PTPRG: variants seen among roughly 807,000 people sequenced by gnomAD.
PTPRG encodes the protein protein tyrosine phosphatase receptor type G, also known as receptor-type tyrosine-protein phosphatase gamma.
In PTPRG, 102 loss-of-function variants were observed where a neutral mutation model predicts 165.3. That is an observed-to-expected ratio of 0.62 (90% CI 0.53 to 0.73). The LOEUF is 0.73. Ranked by LOEUF, PTPRG falls within the 30% of genes least tolerant of loss-of-function variation. The pLI is 0.00. For synonymous variants in PTPRG, 675 were observed against 669.5 expected, an observed-to-expected ratio of 1.01 and a Z score of -0.13; for missense variants, 1,866 against 1,861.4, an observed-to-expected ratio of 1.00 and a Z score of -0.05.
intron 1 of PTPRG, among the ~76,000 whole-genome samples, chr3:61,681,418 G>C (rs1486625103): frequency 6.6e-6 from 1 of 152,154 alleles, no homozygotes; most frequent in African/African-American, 2.4e-5. Flanking sequence ...ATTTACAGTG[G>C]GGTATTGGTC....
chr3:61,700,760 C>G lies in PTPRG; in HGVS notation c.86-48118C>G, dbSNP rs574364177. On this transcript the variant is annotated intron_variant, in intron 1 of 29. Transcript: ENST00000474889. ...TCTTCTGAATGTAGAAGGAAAAATT[C>G]CCCTATTTTTTTCACACTCATGTTC... Among the ~76,000 whole-genome samples the G allele has an allele frequency of 1.5e-4, 23 of 152,262 alleles. No individual in the cohort carries two copies. In the East Asian group the frequency reaches 3.7e-3, roughly 24 times the overall value.
chr3:61,738,023 C>T (rs1301723985), intron 1 of PTPRG, among the ~76,000 whole-genome samples: 1 of 149,750 alleles, frequency 6.7e-6, no homozygotes, highest in Non-Finnish European at 1.5e-5. Context: ...ATTCTCCTGC[C>T]TCAGCCTCCC....
At chr3:62,119,622 A>G (rs564609200) in intron 5 of PTPRG, among the ~76,000 whole-genome samples, 1 of 149,002 alleles carries the variant, frequency 6.7e-6, no homozygotes, top group Admixed American at 6.7e-5. Context: ...TAATTTTTTT[A>G]TTTTTTTATT....
chr3:61,713,224 G>A (rs1329176729), intron 1 of PTPRG, among the ~76,000 whole-genome samples: 2 of 150,276 alleles, frequency 1.3e-5, no homozygotes, highest in Admixed American at 1.3e-4. Flanking sequence ...GCAGTGGCAC[G>A]ATCTCGGCTC....
rs147189999 is a variant in PTPRG at position 62,079,443 on chromosome 3, C to T, written c.615+1185C>T. Reference sequence around the variant, plus strand: ...CTGATCAGCATTTTAAAAACAGTGACGTAAAATAATATAGAATAGGAAATA... The same window carrying T: ...CTGATCAGCATTTTAAAAACAGTGATGTAAAATAATATAGAATAGGAAATA... On this transcript the variant is annotated intron_variant, in intron 5 of 29. Coordinates refer to ENST00000474889, the MANE Select transcript of PTPRG (RefSeq NM_002841.4). Among the ~76,000 whole-genome samples the T allele has an allele frequency of 2.2e-4, 34 of 151,686 alleles. No homozygotes were observed. The East Asian group carries it at 5.6e-3, about 25-fold the overall frequency.
At chr3:61,615,447 T>C (rs77133317) in intron 1 of PTPRG, among the ~76,000 whole-genome samples, 11,391 of 152,230 alleles carry the variant, frequency 0.075, 540 homozygotes, top group African/African-American at 0.13. Flanking sequence ...ACCAGCGGAG[T>C]GGTGCTCTGG....
chr3:61,654,956 AT>A (rs1181180868), intron 1 of PTPRG, among the ~76,000 whole-genome samples: 43 of 141,530 alleles, frequency 3.0e-4, no homozygotes, highest in East Asian at 2.1e-3. Context: ...TACTTTTTGT[AT>A]TTTTTTTTTA....
At chr3:62,276,867 GA>G (rs1409243373) in intron 24 of PTPRG, 104 bp from the exon 25 acceptor site, 3 of 810,726 alleles carry the variant, frequency 3.7e-6, no homozygotes, top group Non-Finnish European at 6.1e-6. Flanking sequence ...CTTAGAAAGG[GA>G]AGCCAGGAGG....
At chr3:61,689,855 G>A (rs1427858042) in intron 1 of PTPRG, among the ~76,000 whole-genome samples, 1 of 152,166 alleles carries the variant, frequency 6.6e-6, no homozygotes, top group African/African-American at 2.4e-5. Context: ...ATAAATTGAA[G>A]TTTTAACCTG....
rs867145961 is a variant in PTPRG, at chr3:62,003,259, T to A, written c.371-90T>A. 17 of 1,410,294 alleles carry A rather than the reference T, an allele frequency of 1.2e-5. No individual in the cohort carries two copies. The South Asian group carries it at 2.0e-4, about 17-fold the overall frequency. 87.4% of individuals were successfully genotyped at this position (1,410,294 alleles called of 1,614,324 possible). On this transcript the variant is annotated intron_variant, in intron 3 of 29. Coordinates refer to ENST00000474889, the MANE Select transcript of PTPRG (RefSeq NM_002841.4). The stretch of plus-strand genomic sequence containing the variant: ...CATGAGGACATAATTCATATCATGG[T>A]AATGGTGAACTTTATTAGAAGTAAC...
intron 2 of PTPRG, among the ~76,000 whole-genome samples, chr3:61,843,114 C>T (rs1457908195): frequency 6.6e-6 from 1 of 152,142 alleles, no homozygotes; most frequent in East Asian, 1.9e-4. Flanking sequence ...TTGATTCATT[C>T]TGCAAAGAAA....
Position 61,561,960 on chromosome 3 carries a change from C to G in PTPRG, c.-328C>G, listed in dbSNP as rs1699766117. The stretch of plus-strand genomic sequence containing the variant: ...TCGCCGCCGCCGCCCGCGGTCCCTG[C>G]CTGCCCCAGGCCCGGGGCATCGCCG... On this transcript the variant is annotated 5_prime_UTR_variant, in exon 1 of 30. Transcript: ENST00000474889. 5.0e-6 allele frequency: 1 copy of G among 201,906 alleles called. No homozygotes were observed. Among genetic ancestry groups the G allele is most frequent in the South Asian group, 1.2e-4 (1 of 8,034 alleles). The allele number at this position is 201,906 out of a possible 1,614,324, so 12.5% of individuals were successfully genotyped here.
intron 6 of PTPRG, among the ~76,000 whole-genome samples, chr3:62,135,270 C>CAAA (rs527679334): frequency 1.2e-5 from 1 of 81,110 alleles, no homozygotes; most frequent in Non-Finnish European, 2.6e-5. Context: ...GATTCTGTCT[C>CAAA]AAAAAAAAAA....
At chr3:61,759,124 G>T (rs1366762637) in intron 2 of PTPRG, among the ~76,000 whole-genome samples, 2 of 152,210 alleles carry the variant, frequency 1.3e-5, no homozygotes, top group African/African-American at 4.8e-5. Context: ...CTATGACCCT[G>T]TTTGAGATCA....
At chr3:61,678,260 C>G (rs896749102) in intron 1 of PTPRG, among the ~76,000 whole-genome samples, 10 of 152,114 alleles carry the variant, frequency 6.6e-5, no homozygotes, top group African/African-American at 4.8e-5. Flanking sequence ...GCTGGGAAAA[C>G]TGTTCTGAAT....
chr3:62,097,686 T>C (rs1702162909), intron 5 of PTPRG, among the ~76,000 whole-genome samples: 1 of 152,238 alleles, frequency 6.6e-6, no homozygotes, highest in Admixed American at 6.5e-5. Context: ...TAGAACAAAG[T>C]GTGCATTTTT....
intron 3 of PTPRG, 27 bp downstream of exon 3, chr3:61,989,831 A>G (rs1297753924): frequency 1.2e-6 from 2 of 1,609,830 alleles, no homozygotes; most frequent in Non-Finnish European, 1.7e-6. Context: ...TTATTTGTCC[A>G]CAGAGCAACA....
chr3:61,751,919 G>T (rs981199714), intron 2 of PTPRG, among the ~76,000 whole-genome samples: 44 of 152,094 alleles, frequency 2.9e-4, no homozygotes, highest in African/African-American at 1.1e-3. Flanking sequence ...CATGAACCCG[G>T]GAGGCGGAGC....
chr3:62,120,145 G>T (rs537586856), intron 5 of PTPRG, among the ~76,000 whole-genome samples: 91 of 152,128 alleles, frequency 6.0e-4, no homozygotes, highest in African/African-American at 2.1e-3. Flanking sequence ...GGGCAGCCAG[G>T]GTAAAACAAC....
Sources: gnomAD v4.1 joint callset for allele counts (sites outside exome capture counted in the v4.1 genomes callset) on GRCh38, gnomAD v4.1.1 for gene constraint, MANE v1.5 for transcripts, NCBI Gene and HGNC (gene_info 2026-07-23, HGNC 2026-07-21) for gene names.